Variants in MLXIPL observed in about 807,000 individuals in gnomAD.
MLXIPL encodes the protein MLX interacting protein like.
In MLXIPL, 49 loss-of-function variants were observed where a neutral mutation model predicts 81.5. The ratio of observed to expected loss-of-function variants is 0.60; its 90% confidence interval spans 0.48 to 0.76. MLXIPL has a LOEUF of 0.76. Among genes scored for constraint, MLXIPL ranks in the 30% least tolerant of loss-of-function variants. MLXIPL has a pLI of 0.00. For synonymous variants in MLXIPL, 466 were observed against 485.5 expected (o/e 0.96, Z 0.53); for missense variants, 1,053 against 1,167.0 (o/e 0.90, Z 1.42).
intron 1 of MLXIPL, among the ~76,000 whole-genome samples, chr7:73,618,376 C>T (rs1032100093): frequency 3.3e-5 from 5 of 152,206 alleles, no homozygotes; most frequent in East Asian, 1.9e-4. Context: ...GGATGACAGG[C>T]GTGAGCCACC....
intron 2 of MLXIPL, chr7:73,610,080 C>G (rs1795592191): frequency 6.6e-6 from 1 of 152,602 alleles, no homozygotes; most frequent in Non-Finnish European, 1.5e-5. Context: ...GGGGACCCTC[C>G]CTAGGATGTC....
At chr7:73,635,314 A>G in the MLXIPL span, among the ~76,000 whole-genome samples, 1 of 152,100 alleles carries the variant, frequency 6.6e-6, no homozygotes. Context: ...GAGGAGAAGA[A>G]GGGGAGGAAG....
intron 7 of MLXIPL, among the ~76,000 whole-genome samples, chr7:73,603,018 G>C (rs1343299336): frequency 1.3e-5 from 2 of 152,144 alleles, no homozygotes; most frequent in Non-Finnish European, 2.9e-5. Context: ...TCCCTCCCTA[G>C]CCTCTGTCCC....
At chr7:73,646,628 G>A in the MLXIPL span, among the ~76,000 whole-genome samples, 1 of 152,124 alleles carries the variant, frequency 6.6e-6, no homozygotes, top group Non-Finnish European at 1.5e-5. Flanking sequence ...TCAAGATGGG[G>A]AAACTCCTGG....
At chr7:73,598,569 C>T (rs1794538699) in intron 8 of MLXIPL, among the ~76,000 whole-genome samples, 1 of 152,226 alleles carries the variant, frequency 6.6e-6, no homozygotes, top group Non-Finnish European at 1.5e-5. Flanking sequence ...CACCAGCACG[C>T]CCATTCATCT....
At position 73,606,100 on chromosome 7, in the gene MLXIPL, C is replaced by T; in HGVS notation, c.630G>A (p.Arg210=). The T allele has an allele frequency of 6.3e-7, 1 of 1,577,984 alleles. No individual in the cohort carries two copies. Among genetic ancestry groups the T allele is most frequent in the Non-Finnish European group, 8.6e-7 (1 of 1,162,090 alleles). ...DLLAPKQAEG[R]WPPPEQWCKQ... is the part of the protein sequence containing the mutation. Reference sequence around the variant, plus strand: ...TGCACCATTGCTCCGGCGGCGGCCACCTGCCTTCCGCCTAGGGAGACAGAG... The same window carrying T: ...TGCACCATTGCTCCGGCGGCGGCCATCTGCCTTCCGCCTAGGGAGACAGAG... Residue 210 remains arginine (R), a synonymous_variant, in exon 6 of 17, where the codon AGG becomes AGA. Coordinates refer to ENST00000313375, the MANE Select transcript of MLXIPL (RefSeq NM_032951.3).
At chr7:73,634,975 C>G in the MLXIPL span, among the ~76,000 whole-genome samples, 1 of 148,958 alleles carries the variant, frequency 6.7e-6, no homozygotes, top group African/African-American at 2.5e-5. Flanking sequence ...ACCACCACGC[C>G]CAGCTATTTT....
Position 73,607,398 on chromosome 7 carries a change from T to G in MLXIPL, c.506A>C (p.Tyr169Ser). The change falls in exon 4 of 17, where the codon TAC (tyrosine) becomes TCC (serine). Residue 169 changes from tyrosine to serine, a missense_variant. Around this residue, in one of 3 missense-constraint regions of MLXIPL, gnomAD observed 823 missense variants for 933.0 expected, o/e 0.88. Transcript: ENST00000313375. ...KPEAVVLEGN[Y>S]WKRRIEVVMR... ...CACCACCTCGATGCGCCGCTTCCAG[T>G]AGTTCCCCTCCAGGACCACGGCCTG... 6.4e-7 allele frequency: 1 copy of G among 1,560,496 alleles called. No individual in the cohort carries two copies. The highest frequency in any genetic ancestry group is 8.7e-7 in the Non-Finnish European group (1 of 1,151,818).
chr7:73,633,411 C>G, the MLXIPL span, among the ~76,000 whole-genome samples: 2 of 150,154 alleles, frequency 1.3e-5, no homozygotes, highest in African/African-American at 4.9e-5. Flanking sequence ...GTGGCCAGAT[C>G]ACATCTCACT....
chr7:73,615,562 C>T (rs138385480), intron 2 of MLXIPL, among the ~76,000 whole-genome samples: 175 of 152,216 alleles, frequency 1.1e-3, no homozygotes, highest in African/African-American at 4.1e-3. Context: ...TTCCCCGAGA[C>T]CCGCTGGAGG....
chr7:73,596,904 T>C lies in MLXIPL; in HGVS notation c.1632A>G (p.Pro544=). The C allele has an allele frequency of 6.2e-7, 1 of 1,610,898 alleles. No individual in the cohort carries two copies. Among genetic ancestry groups the C allele is most frequent in the Non-Finnish European group, 8.5e-7 (1 of 1,179,676 alleles). The change falls in exon 10 of 17, where the codon CCA becomes CCG. Residue 544 remains proline (P), a synonymous_variant. Coordinates refer to ENST00000313375, the MANE Select transcript of MLXIPL (RefSeq NM_032951.3). The surrounding 1 kb of genome is among the most constrained non-coding windows in gnomAD (Gnocchi z 4.7). The part of the protein sequence containing the change: ...AAKPEQALEP[P]LVSSTLLRSP... Reference sequence around the variant, plus strand: ...ACCGGAGGAGGGTGCTGGATACAAGTGGTGGCTCCAGGGCTTGCTCCGGCT... The same window carrying C: ...ACCGGAGGAGGGTGCTGGATACAAGCGGTGGCTCCAGGGCTTGCTCCGGCT...
At chr7:73,602,972 T>C (rs1554596810) in intron 7 of MLXIPL, among the ~76,000 whole-genome samples, 1 of 152,166 alleles carries the variant, frequency 6.6e-6, no homozygotes, top group African/African-American at 2.4e-5. Flanking sequence ...TTGAGAGAAG[T>C]TGCTTCCCAG....
chr7:73,607,188 C>A (rs1305798456), intron 4 of MLXIPL, 143 bp downstream of exon 4: 2 of 1,251,370 alleles, frequency 1.6e-6, no homozygotes, highest in Non-Finnish European at 1.1e-6. Flanking sequence ...CACGGTGGCG[C>A]TGTCGGCCCG....
At chr7:73,597,772 C>T in intron 8 of MLXIPL, 59 bp from the exon 9 acceptor site, 2 of 1,254,868 alleles carry the variant, frequency 1.6e-6, no homozygotes, top group Admixed American at 6.0e-5. Context: ...CCCTGGCAGC[C>T]ATCTGGGCCT....
chr7:73,634,176 G>T, the MLXIPL span, among the ~76,000 whole-genome samples: 1 of 152,034 alleles, frequency 6.6e-6, no homozygotes, highest in Admixed American at 6.6e-5. Flanking sequence ...TGACTATATC[G>T]AAGTGAAGAA....
chr7:73,647,705 A>C, the MLXIPL span, among the ~76,000 whole-genome samples: 2 of 152,080 alleles, frequency 1.3e-5, no homozygotes, highest in Admixed American at 6.5e-5. Flanking sequence ...CCCAGCACAG[A>C]GGCGGATCCA....
intron 2 of MLXIPL, among the ~76,000 whole-genome samples, chr7:73,615,237 A>G (rs1283834181): frequency 6.6e-6 from 1 of 152,174 alleles, no homozygotes; most frequent in Non-Finnish European, 1.5e-5. Flanking sequence ...TCCTTCCACG[A>G]GATGGCATGG....
upstream of MLXIPL, chr7:73,624,549 T>C (rs1166029927): frequency 1.0e-5 from 15 of 1,475,836 alleles, no homozygotes; most frequent in African/African-American, 1.2e-4. Flanking sequence ...GGAACAGCTC[T>C]TGGCCAGCCG....
At chr7:73,617,371 T>G (rs1304139084) in intron 1 of MLXIPL, among the ~76,000 whole-genome samples, 1 of 151,980 alleles carries the variant, frequency 6.6e-6, no homozygotes, top group Non-Finnish European at 1.5e-5. Flanking sequence ...GTACAGTCCT[T>G]TTGGTGTCTG....
Sources: gnomAD v4.1 joint callset for allele counts (sites outside exome capture counted in the v4.1 genomes callset) on GRCh38, gnomAD v4.1.1 for gene constraint, gnomAD v4.1.1 regional missense constraint, Gnocchi (gnomAD v3.1) non-coding constraint, MANE v1.5 for transcripts, NCBI Gene and HGNC (gene_info 2026-07-23, HGNC 2026-07-21) for gene names.